Variants in MYT1L observed in about 807,000 individuals in gnomAD.
MYT1L encodes the protein myelin transcription factor 1-like protein.
In MYT1L, 12 loss-of-function variants were observed where a neutral mutation model predicts 126.7. That is an observed-to-expected ratio of 0.09 (90% confidence interval 0.06 to 0.15). The LOEUF (loss-of-function observed/expected upper bound fraction) is 0.15. Among genes scored for constraint, MYT1L ranks in the 10% least tolerant of loss-of-function variants. The pLI is 1.00. For synonymous variants in MYT1L, 541 were observed against 604.2 expected (o/e 0.90, Z 1.53); for missense variants, 979 against 1,585.2 (o/e 0.62, Z 6.49).
intron 2 of MYT1L, among the ~76,000 whole-genome samples, chr2:2,182,839 A>G (rs2148654428): frequency 6.6e-6 from 1 of 152,284 alleles, no homozygotes; most frequent in Non-Finnish European, 1.5e-5. Flanking sequence ...GATAAACATC[A>G]CAGTAGATAA....
At chr2:1,833,877 G>A (rs1337036681) in intron 21 of MYT1L, among the ~76,000 whole-genome samples, 1 of 152,218 alleles carries the variant, frequency 6.6e-6, no homozygotes, top group Non-Finnish European at 1.5e-5. Flanking sequence ...AACGCAGAAA[G>A]AGCAGCGGCT....
chr2:1,973,874 C>A (rs71442313), intron 8 of MYT1L, among the ~76,000 whole-genome samples: 4,091 of 152,312 alleles, frequency 0.027, 73 homozygotes, highest in Non-Finnish European at 0.042. Flanking sequence ...TTGCTCAAAC[C>A]ACGCACTTTG....
In MYT1L at chr2:1,892,305, G is replaced by C. The variant is rs1359023508; in HGVS notation, c.2033-18C>G. The stretch of plus-strand genomic sequence containing the variant: ...CCGCTTCGCTGGGGAGACAGGGACA[G>C]GGATGACTCAGGCCCCGGCCGCAGG... On this transcript the variant is annotated intron_variant, in intron 14 of 24. Coordinates refer to ENST00000647738, the MANE Select transcript of MYT1L (RefSeq NM_001303052.2). The C allele has an allele frequency of 1.3e-6, 2 of 1,545,556 alleles. No homozygotes were observed. Among genetic ancestry groups the C allele is most frequent in the Non-Finnish European group, 1.7e-6 (2 of 1,144,390 alleles).
At chr2:1,938,970 A>C (rs7582679) in intron 9 of MYT1L, among the ~76,000 whole-genome samples, 1 of 152,162 alleles carries the variant, frequency 6.6e-6, no homozygotes, top group African/African-American at 2.4e-5. Context: ...AAAACCTCTT[A>C]GTAAAGTCCA....
chr2:2,055,815 T>C (rs573635360), intron 3 of MYT1L, among the ~76,000 whole-genome samples: 3 of 152,348 alleles, frequency 2.0e-5, no homozygotes, highest in Admixed American at 2.0e-4. Context: ...CTTACTCTAC[T>C]GGTAATCCTA....
chr2:2,168,001 A>T (rs189301833), intron 3 of MYT1L, among the ~76,000 whole-genome samples: 16,898 of 133,782 alleles, frequency 0.13, 934 homozygotes, highest in African/African-American at 0.17. Context: ...ATTTTATTTT[A>T]AAAAAAAATA....
At chr2:2,294,189 T>C (rs1262093244) in intron 1 of MYT1L, among the ~76,000 whole-genome samples, 1 of 152,088 alleles carries the variant, frequency 6.6e-6, no homozygotes, top group Non-Finnish European at 1.5e-5. Flanking sequence ...TGGTCACAGG[T>C]GACGGTTAGC....
At position 1,917,170 on chromosome 2, in the gene MYT1L, G is replaced by T. The variant is rs2149071110; in HGVS notation, c.1618+35C>A. 1.3e-6 allele frequency: 2 copies of T among 1,595,864 alleles called. No homozygotes were observed. Among genetic ancestry groups the T allele is most frequent in the East Asian group, 2.2e-5 (1 of 44,632 alleles). ...GACAGAGACAGAGTCATGGGTGTTTGCACCCCCAAGGGTAGCGGTGAGACG... is the reference window on the plus strand; with the variant it reads ...GACAGAGACAGAGTCATGGGTGTTTTCACCCCCAAGGGTAGCGGTGAGACG... On this transcript the variant is annotated intron_variant, in intron 11 of 24. Coordinates refer to ENST00000647738, the MANE Select transcript of MYT1L (RefSeq NM_001303052.2). This position sits in a 1 kb window ranked among gnomAD's most constrained non-coding sequence, Gnocchi z 5.9.
At chr2:1,981,090 C>T (rs768501601) in intron 5 of MYT1L, among the ~76,000 whole-genome samples, 1 of 151,626 alleles carries the variant, frequency 6.6e-6, no homozygotes, top group African/African-American at 2.4e-5. Context: ...CTGAAATAAA[C>T]TAGCAAGGCA....
intron 2 of MYT1L, among the ~76,000 whole-genome samples, chr2:2,271,172 A>G (rs1038461122): frequency 6.6e-6 from 1 of 152,160 alleles, no homozygotes; most frequent in African/African-American, 2.4e-5. Flanking sequence ...CTCTGTCTCA[A>G]CAGTCTGGCC....
intron 2 of MYT1L, among the ~76,000 whole-genome samples, chr2:2,243,121 G>T (rs2094469772): frequency 1.3e-5 from 2 of 152,208 alleles, no homozygotes; most frequent in Non-Finnish European, 1.5e-5. Context: ...TACCAAGGGA[G>T]AGGCTGCCCT....
At chr2:1,958,985 GGTCA>G (rs2058740623) in intron 8 of MYT1L, among the ~76,000 whole-genome samples, 1 of 152,162 alleles carries the variant, frequency 6.6e-6, no homozygotes, top group African/African-American at 2.4e-5. Flanking sequence ...TTTGGAAATA[GGTCA>G]GTCTCATAAA....
At chr2:2,001,597 T>C (rs1006167690) in intron 4 of MYT1L, among the ~76,000 whole-genome samples, 1 of 152,132 alleles carries the variant, frequency 6.6e-6, no homozygotes, top group African/African-American at 2.4e-5. Flanking sequence ...CTGTATAAAG[T>C]GGGTGTTACT....
At chr2:2,252,925 T>A (rs1022000955) in intron 2 of MYT1L, among the ~76,000 whole-genome samples, 2 of 152,214 alleles carry the variant, frequency 1.3e-5, no homozygotes, top group Non-Finnish European at 2.9e-5. Context: ...TTAGGGCATG[T>A]ATCCTGAATC....
At chr2:2,071,612 A>G (rs1233755882) in intron 3 of MYT1L, among the ~76,000 whole-genome samples, 3 of 152,236 alleles carry the variant, frequency 2.0e-5, no homozygotes, top group Non-Finnish European at 2.9e-5. Context: ...ACTGAGACAT[A>G]AGAGGAAAGT....
chr2:1,995,446 C>T (rs2061757260), intron 5 of MYT1L, among the ~76,000 whole-genome samples: 1 of 152,130 alleles, frequency 6.6e-6, no homozygotes, highest in Admixed American at 6.5e-5. Context: ...AGAAAAAAAG[C>T]ATCAACAAGA....
chr2:2,260,146 G>T (rs115476948), intron 2 of MYT1L, among the ~76,000 whole-genome samples: 1 of 152,130 alleles, frequency 6.6e-6, no homozygotes, highest in Non-Finnish European at 1.5e-5. Flanking sequence ...GAGAGAAACA[G>T]GATTCACAAT....
At chr2:2,246,229 G>A (rs2094532584) in intron 2 of MYT1L, among the ~76,000 whole-genome samples, 1 of 152,180 alleles carries the variant, frequency 6.6e-6, no homozygotes, top group Non-Finnish European at 1.5e-5. Flanking sequence ...AGTAGGTTCT[G>A]TGAAATACAC....
At chr2:2,062,544 A>T (rs1011654706) in intron 3 of MYT1L, among the ~76,000 whole-genome samples, 5 of 151,844 alleles carry the variant, frequency 3.3e-5, no homozygotes, top group Non-Finnish European at 7.4e-5. Context: ...CTCTGTCTTG[A>T]TTTACTTGTT....
Sources: allele counts gnomAD v4.1 joint callset (sites outside exome capture counted in the v4.1 genomes callset), GRCh38; gene constraint gnomAD v4.1.1; non-coding constraint Gnocchi (gnomAD v3.1); transcripts MANE v1.5; gene names NCBI Gene and HGNC (gene_info 2026-07-23, HGNC 2026-07-21).